The following WWOX variants were observed in gnomAD, a reference collection of about 807,000 sequenced individuals.
WWOX encodes the protein WW domain containing oxidoreductase.
Under a neutral mutation model 46.2 loss-of-function variants are expected in WWOX, and 69 were observed. The observed-to-expected ratio is 1.49, with a 90% CI of 1.23 to 1.82. The LOEUF (loss-of-function observed/expected upper bound fraction) is 1.82, where lower values mean the gene tolerates loss of function less well. WWOX is among the 40% of genes most tolerant of loss of function. WWOX has a pLI of 0.00. For missense variants in WWOX, 919 were observed against 542.6 expected (o/e 1.69, Z -6.89); for synonymous variants, 359 against 202.6 (o/e 1.77, Z -6.56).
intron 8 of WWOX, among the ~76,000 whole-genome samples, chr16:78,747,190 A>ATTT (rs67902043): frequency 8.5e-5 from 11 of 129,244 alleles, no homozygotes; most frequent in South Asian, 2.5e-4. Context: ...TTTCTTGCCC[A>ATTT]TTTTTTTTTT....
intron 8 of WWOX, among the ~76,000 whole-genome samples, chr16:79,038,333 A>C (rs1014613048): frequency 1.3e-5 from 2 of 152,222 alleles, no homozygotes; most frequent in Admixed American, 1.3e-4. Flanking sequence ...ATGAAAAATA[A>C]GAAGAAAATG....
chr16:79,096,229 C>T (rs2049069705), intron 8 of WWOX, among the ~76,000 whole-genome samples: 1 of 152,006 alleles, frequency 6.6e-6, no homozygotes, highest in African/African-American at 2.4e-5. Context: ...TCAGTTCTTT[C>T]TCCACGGAGA....
chr16:78,271,560 G>C, intron 5 of WWOX, among the ~76,000 whole-genome samples: 1 of 152,234 alleles, frequency 6.6e-6, no homozygotes, highest in East Asian at 1.9e-4. Flanking sequence ...AGTAATTCAA[G>C]TAAGCATCTC....
At chr16:78,731,242 G>A (rs985957442) in intron 8 of WWOX, among the ~76,000 whole-genome samples, 1 of 152,158 alleles carries the variant, frequency 6.6e-6, no homozygotes, top group African/African-American at 2.4e-5. Flanking sequence ...TGACATGGCA[G>A]TGTGATGTGT....
intron 8 of WWOX, among the ~76,000 whole-genome samples, chr16:79,144,583 A>C (rs545392252): frequency 6.6e-6 from 1 of 152,196 alleles, no homozygotes; most frequent in Non-Finnish European, 1.5e-5. Context: ...TTTGGAGTGC[A>C]TTAAAAAAAA....
At chr16:78,209,545 T>C (rs2036494831) in intron 5 of WWOX, among the ~76,000 whole-genome samples, 1 of 152,194 alleles carries the variant, frequency 6.6e-6, no homozygotes, top group Non-Finnish European at 1.5e-5. Flanking sequence ...TATTTGAACA[T>C]TGTTCTGTAT....
At position 78,603,476 on chromosome 16, in the gene WWOX, C is replaced by T. The variant is rs186236951; in HGVS notation, c.1056+170724C>T. On this transcript the variant is annotated intron_variant, in intron 8 of 8. Transcript: ENST00000566780. Reference sequence around the variant, plus strand: ...TTGGGAGGTTGAGGAGGACGGATTACTTGAGGCCAGGAGTTCGAGACCAGC... The same window carrying T: ...TTGGGAGGTTGAGGAGGACGGATTATTTGAGGCCAGGAGTTCGAGACCAGC... Among the ~76,000 whole-genome samples, 8 of 152,330 alleles carry T rather than the reference C, an allele frequency of 5.3e-5. No homozygotes were observed. In the East Asian group the frequency reaches 1.5e-3, roughly 29 times the overall value.
Position 78,250,591 on chromosome 16 carries a change from A to T in WWOX, c.516+86302A>T, listed in dbSNP as rs147440715. Among the ~76,000 whole-genome samples the T allele has an allele frequency of 8.2e-3, 1,246 of 152,314 alleles. 13 individuals are homozygous for T. The highest frequency in any genetic ancestry group is 0.023 in the South Asian group (109 of 4,824). On this transcript the variant is annotated intron_variant, in intron 5 of 8. Transcript: ENST00000566780. ...CCCTATTAACCTCAATAGGAAAGGC[A>T]CCAGGTTCAAGAGCTGAAGAAGACA...
chr16:78,914,380 A>T (rs1035255796), intron 8 of WWOX, among the ~76,000 whole-genome samples: 11 of 152,008 alleles, frequency 7.2e-5, no homozygotes, highest in African/African-American at 2.4e-4. Context: ...CTTCAGAAAT[A>T]TTTGCAGGTG....
At chr16:78,608,878 G>C in intron 8 of WWOX, among the ~76,000 whole-genome samples, 1 of 152,080 alleles carries the variant, frequency 6.6e-6, no homozygotes, top group African/African-American at 2.4e-5. Flanking sequence ...TTCCAAATCT[G>C]GGCACATGAA....
At chr16:78,306,766 G>A (rs2080141197) in intron 5 of WWOX, among the ~76,000 whole-genome samples, 1 of 151,146 alleles carries the variant, frequency 6.6e-6, no homozygotes, top group Admixed American at 6.6e-5. Context: ...ATAATTCCCT[G>A]TAAATCTCAC....
At chr16:78,643,476 A>G (rs1380309254) in intron 8 of WWOX, among the ~76,000 whole-genome samples, 1 of 152,136 alleles carries the variant, frequency 6.6e-6, no homozygotes, top group African/African-American at 2.4e-5. Flanking sequence ...ACCCATGAGT[A>G]GCAATTAGGC....
intron 8 of WWOX, among the ~76,000 whole-genome samples, chr16:78,437,272 T>C (rs896746632): frequency 3.3e-5 from 5 of 152,228 alleles, no homozygotes; most frequent in African/African-American, 1.2e-4. Flanking sequence ...TTAGTTACAG[T>C]AATTAGGTCA....
intron 8 of WWOX, among the ~76,000 whole-genome samples, chr16:78,593,081 G>A (rs2045389255): frequency 6.6e-6 from 1 of 152,152 alleles, no homozygotes; most frequent in South Asian, 2.1e-4. Context: ...TTTAGCCAAG[G>A]AAGAAATGAC....
intron 8 of WWOX, among the ~76,000 whole-genome samples, chr16:78,579,584 T>A (rs1001006259): frequency 7.2e-5 from 11 of 152,058 alleles, no homozygotes; most frequent in African/African-American, 2.4e-4. Flanking sequence ...GCTTTCTAAT[T>A]AAGAAACAGA....
chr16:78,558,720 T>C (rs1314862670), intron 8 of WWOX, among the ~76,000 whole-genome samples: 2 of 152,218 alleles, frequency 1.3e-5, no homozygotes, highest in African/African-American at 4.8e-5. Flanking sequence ...GTGTCACTTC[T>C]CCCCAGTCTT....
At chr16:79,142,054 A>C (rs2050100353) in intron 8 of WWOX, among the ~76,000 whole-genome samples, 1 of 152,144 alleles carries the variant, frequency 6.6e-6, no homozygotes, top group Non-Finnish European at 1.5e-5. Context: ...TATATATCTT[A>C]CCTTCTCTTT....
intron 5 of WWOX, among the ~76,000 whole-genome samples, chr16:78,181,146 G>A (rs891791700): frequency 1.3e-5 from 2 of 152,054 alleles, no homozygotes; most frequent in Non-Finnish European, 1.5e-5. Context: ...AGAGAGACAC[G>A]CAGACACACG....
chr16:78,169,493 T>C (rs1039665442), intron 5 of WWOX, among the ~76,000 whole-genome samples: 2 of 118,752 alleles, frequency 1.7e-5, no homozygotes, highest in East Asian at 4.8e-4. Flanking sequence ...GACCTCTGCA[T>C]GTAAAGAACA....
Sources: gnomAD v4.1 joint callset for allele counts (sites outside exome capture counted in the v4.1 genomes callset) on GRCh38, gnomAD v4.1.1 for gene constraint, MANE v1.5 for transcripts, NCBI Gene and HGNC (gene_info 2026-07-23, HGNC 2026-07-21) for gene names.